Variants in LEF1 observed in about 807,000 individuals in gnomAD.
LEF1 encodes lymphoid enhancer-binding factor 1.
LEF1 carries 14 observed loss-of-function variants against 51.2 expected under a neutral mutation model. The observed-to-expected ratio is 0.27, with a 90% confidence interval of 0.18 to 0.43. The LOEUF (loss-of-function observed/expected upper bound fraction) is 0.43, where lower values mean the gene tolerates loss of function less well. Among genes scored for constraint, LEF1 ranks in the 20% least tolerant of loss-of-function variants. LEF1 has a pLI of 1.00. For synonymous variants in LEF1, 185 were observed against 183.2 expected (o/e 1.01, Z -0.08); for missense variants, 386 against 512.0 (o/e 0.75, Z 2.37).
At position 108,168,117 on chromosome 4, in the gene LEF1, C is replaced by G. The variant is rs1553961479; in HGVS notation, c.-350G>C. 6.5e-6 allele frequency: 1 copy of G among 152,900 alleles called. No individual in the cohort carries two copies. Among genetic ancestry groups the G allele is most frequent in the Admixed American group, 6.5e-5 (1 of 15,328 alleles). The allele number at this position is 152,900 out of a possible 1,614,324, so 9.5% of individuals were successfully genotyped here. A position where few individuals can be genotyped will look rare whatever the true frequency, so the allele number is the denominator to read the frequency against. On this transcript the variant is annotated 5_prime_UTR_variant, in exon 1 of 12. Transcript: ENST00000265165. The surrounding 1 kb of genome is among the most constrained non-coding windows in gnomAD (Gnocchi z 4.6). The stretch of plus-strand genomic sequence containing the variant: ...CGAGGCTGCCCCGGCGGCCACCCCG[C>G]GACCCCGCGTCGCCGGGATTTGCGC...
At chr4:108,083,695 T>G (rs977333017) in intron 4 of LEF1, among the ~76,000 whole-genome samples, 12 of 152,216 alleles carry the variant, frequency 7.9e-5, no homozygotes, top group Admixed American at 6.5e-4. Context: ...AATACAATCA[T>G]CAAAATAGAC....
At chr4:108,153,813 T>C (rs1022953284) in intron 3 of LEF1, among the ~76,000 whole-genome samples, 2 of 152,168 alleles carry the variant, frequency 1.3e-5, no homozygotes, top group Non-Finnish European at 2.9e-5. Context: ...AGGCAATCTA[T>C]TAAAAATGAT....
chr4:108,090,572 T>C (rs1284872478), intron 3 of LEF1, among the ~76,000 whole-genome samples: 1 of 152,180 alleles, frequency 6.6e-6, no homozygotes, highest in Non-Finnish European at 1.5e-5. Flanking sequence ...TTATTATTTA[T>C]TTTTTATTGA....
At chr4:108,140,020 T>C (rs1743541135) in intron 3 of LEF1, among the ~76,000 whole-genome samples, 1 of 152,278 alleles carries the variant, frequency 6.6e-6, no homozygotes, top group South Asian at 2.1e-4. Flanking sequence ...CTATAGAGAT[T>C]TGCCTTACTT....
intron 3 of LEF1, among the ~76,000 whole-genome samples, chr4:108,115,289 G>A (rs1741765313): frequency 6.6e-6 from 1 of 152,214 alleles, no homozygotes; most frequent in Admixed American, 6.5e-5. Context: ...AAACAGTGGT[G>A]AGACTTGATC....
rs1319130745 is a variant in LEF1, at chr4:108,071,000, CATCAAAGTCA to C, written c.1009-240_1009-231del. 1.0e-5 allele frequency: 4 copies of C among 398,510 alleles called. No individual in the cohort carries two copies. The Admixed American group carries it at 1.2e-4, about 12-fold the overall frequency. 24.7% of individuals were successfully genotyped at this position (398,510 alleles called of 1,614,324 possible). A position where few individuals can be genotyped will look rare whatever the true frequency, so the allele number is the denominator to read the frequency against. On this transcript the variant is annotated intron_variant, in intron 8 of 11. Transcript: ENST00000265165. Reference sequence around the variant, plus strand: ...CTGTTCTCTGATATCACATGAAACACATCAAAGTCAATCAAAGTGTTCAAAGTAAAATGAT... The same window carrying C: ...CTGTTCTCTGATATCACATGAAACACATCAAAGTGTTCAAAGTAAAATGAT...
chr4:108,072,541 T>G (rs1411751150), intron 8 of LEF1, among the ~76,000 whole-genome samples: 2 of 152,170 alleles, frequency 1.3e-5, no homozygotes, highest in Admixed American at 6.5e-5. Context: ...GCTTTAGAAG[T>G]GCAGAGCGTG....
At chr4:108,058,239 A>C (rs1737436008) in intron 11 of LEF1, among the ~76,000 whole-genome samples, 1 of 152,192 alleles carries the variant, frequency 6.6e-6, no homozygotes, top group South Asian at 2.1e-4. Context: ...TACAACTAAA[A>C]GAAATAAAGT....
chr4:108,165,265 T>C, intron 1 of LEF1, 102 bp from the exon 2 acceptor site: 1 of 1,048,552 alleles, frequency 9.5e-7, no homozygotes, highest in Non-Finnish European at 1.5e-6. Context: ...AAGGAAGAGG[T>C]TTAGGGGCAA....
chr4:108,104,340 A>T (rs1469904127), intron 3 of LEF1, among the ~76,000 whole-genome samples: 2 of 151,452 alleles, frequency 1.3e-5, no homozygotes, highest in Admixed American at 6.6e-5. Flanking sequence ...TGTACAACAT[A>T]GTGAATATAC....
intron 3 of LEF1, among the ~76,000 whole-genome samples, chr4:108,150,879 G>A (rs1451801224): frequency 2.0e-5 from 3 of 152,128 alleles, no homozygotes; most frequent in African/African-American, 4.8e-5. Context: ...ATTAATACCA[G>A]TACTCTCTTC....
At chr4:108,096,215 G>C (rs1167133602) in intron 3 of LEF1, among the ~76,000 whole-genome samples, 1 of 152,130 alleles carries the variant, frequency 6.6e-6, no homozygotes, top group African/African-American at 2.4e-5. Flanking sequence ...AGGACCACCA[G>C]ATTCTCACCA....
intron 8 of LEF1, among the ~76,000 whole-genome samples, chr4:108,073,992 C>T (rs1738679241): frequency 6.6e-6 from 1 of 152,132 alleles, no homozygotes; most frequent in Non-Finnish European, 1.5e-5. Flanking sequence ...CGCCCGGCTA[C>T]TTTTTTGTAT....
intron 9 of LEF1, among the ~76,000 whole-genome samples, chr4:108,069,289 C>T (rs1000624049): frequency 1.3e-5 from 2 of 152,182 alleles, no homozygotes; most frequent in Admixed American, 6.5e-5. Flanking sequence ...TTATAGCAGG[C>T]TGCATGAACT....
chr4:108,084,574 T>C (rs1739519948), intron 4 of LEF1, among the ~76,000 whole-genome samples: 2 of 152,328 alleles, frequency 1.3e-5, no homozygotes, highest in East Asian at 1.9e-4. Context: ...TGAAAGTTGG[T>C]GTTAATTCAA....
At chr4:108,124,837 A>C (rs1441958219) in intron 3 of LEF1, among the ~76,000 whole-genome samples, 2 of 152,200 alleles carry the variant, frequency 1.3e-5, no homozygotes, top group African/African-American at 4.8e-5. Flanking sequence ...CCAAAGGTCA[A>C]CTTGGACCTA....
intron 3 of LEF1, among the ~76,000 whole-genome samples, chr4:108,109,861 G>T (rs770526998): frequency 6.6e-6 from 1 of 152,044 alleles, no homozygotes; most frequent in Non-Finnish European, 1.5e-5. Context: ...TGGGGAAGGG[G>T]GGCAGGCACA....
intron 3 of LEF1, among the ~76,000 whole-genome samples, chr4:108,151,210 T>C (rs1744338481): frequency 6.6e-6 from 1 of 152,054 alleles, no homozygotes; most frequent in Admixed American, 6.6e-5. Context: ...CATCATCTTT[T>C]ACACAACTCT....
chr4:108,153,035 C>T (rs530679824), intron 3 of LEF1, among the ~76,000 whole-genome samples: 1 of 152,386 alleles, frequency 6.6e-6, no homozygotes, highest in Non-Finnish European at 1.5e-5. Context: ...AATCACCTCA[C>T]CCTTTTCCCT....
Sources: allele counts gnomAD v4.1 joint callset (sites outside exome capture counted in the v4.1 genomes callset), GRCh38; gene constraint gnomAD v4.1.1; non-coding constraint Gnocchi (gnomAD v3.1); transcripts MANE v1.5; gene names NCBI Gene and HGNC (gene_info 2026-07-23, HGNC 2026-07-21).